PCDHA13: variants seen among roughly 807,000 people sequenced by gnomAD.
PCDHA13 encodes the protein protocadherin alpha 13, also known as protocadherin alpha-13.
In PCDHA13, 54 loss-of-function variants were observed where a neutral mutation model predicts 64.8. The ratio of observed to expected loss-of-function variants is 0.83; its 90% confidence interval spans 0.67 to 1.04. The LOEUF (loss-of-function observed/expected upper bound fraction) is 1.04. Ranked by LOEUF, PCDHA13 falls within the 50% of genes least tolerant of loss-of-function variation. PCDHA13 has a pLI of 0.00. For missense variants in PCDHA13, 1,248 were observed against 1,254.3 expected (o/e 0.99, Z 0.08); for synonymous variants, 587 against 564.4 (o/e 1.04, Z -0.57).
chr5:141,003,574 A>T (rs559561339), intron 3 of PCDHA13, among the ~76,000 whole-genome samples: 1 of 151,680 alleles, frequency 6.6e-6, no homozygotes, highest in African/African-American at 2.4e-5. Context: ...CAGACTCCCA[A>T]AGTGCTGGGA....
In PCDHA13 at chr5:140,991,828, C is replaced by T. The variant is rs1554252431; in HGVS notation, c.2542+9265C>T. Among the ~76,000 whole-genome samples, 6 of 152,168 alleles carry T rather than the reference C, an allele frequency of 3.9e-5. No homozygotes were observed. The South Asian group carries it at 6.2e-4, about 16-fold the overall frequency. The stretch of plus-strand genomic sequence containing the variant: ...CTTCCGCATTTTTAGGCATTTATAA[C>T]GGCAGAACCGCACTTCCAGATACCA... On this transcript the variant is annotated intron_variant, in intron 3 of 3. Transcript: ENST00000289272.
intron 3 of PCDHA13, among the ~76,000 whole-genome samples, chr5:141,000,510 C>G (rs1197965439): frequency 5.6e-5 from 8 of 143,864 alleles, no homozygotes; most frequent in South Asian, 4.5e-4. Context: ...TCACTGCAAC[C>G]TCCTTCTCCA....
chr5:140,993,128 T>A (rs1250312762), intron 3 of PCDHA13, among the ~76,000 whole-genome samples: 2 of 152,234 alleles, frequency 1.3e-5, no homozygotes, highest in Non-Finnish European at 2.9e-5. Flanking sequence ...AATTTCCTTC[T>A]GTTGCAACAA....
At chr5:140,927,795 G>A (rs781829757) in intron 1 of PCDHA13, 39 of 1,614,144 alleles carry the variant, frequency 2.4e-5, no homozygotes, top group Non-Finnish European at 3.2e-5. Context: ...CACTAGGTCC[G>A]CCTGAAACGC....
chr5:140,987,263 G>C (rs1034230893), intron 3 of PCDHA13, among the ~76,000 whole-genome samples: 14 of 151,908 alleles, frequency 9.2e-5, no homozygotes, highest in Non-Finnish European at 1.8e-4. Context: ...CTCAGGAATG[G>C]GACCCGGCAG....
chr5:140,945,909 TC>T (rs1440194990), intron 1 of PCDHA13, among the ~76,000 whole-genome samples: 3 of 151,962 alleles, frequency 2.0e-5, no homozygotes, highest in African/African-American at 7.2e-5. Context: ...AGATGAAAGA[TC>T]AATAACACTG....
intron 3 of PCDHA13, among the ~76,000 whole-genome samples, chr5:141,009,288 C>G (rs373954362): frequency 6.6e-6 from 1 of 152,068 alleles, no homozygotes; most frequent in African/African-American, 2.4e-5. Flanking sequence ...GATCCCATTT[C>G]TATAAAATTT....
chr5:140,891,225 T>C (rs1554184733), intron 1 of PCDHA13, among the ~76,000 whole-genome samples: 1 of 152,222 alleles, frequency 6.6e-6, no homozygotes, highest in Non-Finnish European at 1.5e-5. Context: ...TTTATAATCA[T>C]CCTGTTCTGG....
intron 1 of PCDHA13, chr5:140,967,642 C>T (rs1554229731): frequency 1.2e-6 from 2 of 1,614,164 alleles, no homozygotes. Flanking sequence ...ATGGTGAGCT[C>T]AGGTACTCCT....
At chr5:140,975,795 CT>C (rs1219508800) in intron 1 of PCDHA13, among the ~76,000 whole-genome samples, 2 of 151,168 alleles carry the variant, frequency 1.3e-5, no homozygotes, top group Non-Finnish European at 1.5e-5. Flanking sequence ...TAAATTAAAT[CT>C]TTTTTATAAT....
At chr5:140,954,520 A>G (rs1554221455) in intron 1 of PCDHA13, among the ~76,000 whole-genome samples, 1 of 152,192 alleles carries the variant, frequency 6.6e-6, no homozygotes, top group Admixed American at 6.6e-5. Context: ...CCTAATGATC[A>G]GTGATGTTGA....
chr5:140,914,783 A>G (rs1445627539), intron 1 of PCDHA13, among the ~76,000 whole-genome samples: 1 of 151,972 alleles, frequency 6.6e-6, no homozygotes, highest in Admixed American at 6.6e-5. Context: ...TTATCTTATG[A>G]CCCATTATTT....
chr5:140,905,248 C>A (rs143714633), intron 1 of PCDHA13, among the ~76,000 whole-genome samples: 43 of 152,208 alleles, frequency 2.8e-4, no homozygotes, highest in African/African-American at 8.7e-4. Context: ...TTCATTCTTC[C>A]ACATGAGGCT....
intron 1 of PCDHA13, chr5:140,927,454 G>A: frequency 6.2e-7 from 1 of 1,614,182 alleles, no homozygotes; most frequent in Non-Finnish European, 8.5e-7. Flanking sequence ...GTTGGTGTTG[G>A]AGAAAGCACT....
intron 1 of PCDHA13, among the ~76,000 whole-genome samples, chr5:140,911,424 T>C (rs1180624921): frequency 6.6e-6 from 1 of 152,168 alleles, no homozygotes; most frequent in Non-Finnish European, 1.5e-5. Context: ...TAAGAACTTG[T>C]GTCCAATTTC....
At chr5:140,964,199 A>C (rs1183847716) in intron 1 of PCDHA13, among the ~76,000 whole-genome samples, 1 of 152,240 alleles carries the variant, frequency 6.6e-6, no homozygotes, top group Admixed American at 6.5e-5. Context: ...AGAGTATACC[A>C]TCTCTTTAGT....
intron 3 of PCDHA13, among the ~76,000 whole-genome samples, chr5:140,985,145 G>A (rs2097138679): frequency 6.6e-6 from 1 of 152,080 alleles, no homozygotes; most frequent in South Asian, 2.1e-4. Context: ...CACCGTGTTA[G>A]CCAGGATTGT....
chr5:140,949,040 A>G (rs1419524123), intron 1 of PCDHA13, among the ~76,000 whole-genome samples: 1 of 151,758 alleles, frequency 6.6e-6, no homozygotes, highest in Non-Finnish European at 1.5e-5. Flanking sequence ...ATTTAAAAGT[A>G]TGTTCTAATT....
At chr5:140,905,766 A>G (rs782122019) in intron 1 of PCDHA13, among the ~76,000 whole-genome samples, 15 of 152,144 alleles carry the variant, frequency 9.9e-5, no homozygotes, top group African/African-American at 2.7e-4. Flanking sequence ...GGTTAAGTAT[A>G]TTCCGAAGTG....
Sources: gnomAD v4.1 joint callset for allele counts (sites outside exome capture counted in the v4.1 genomes callset) on GRCh38, gnomAD v4.1.1 for gene constraint, MANE v1.5 for transcripts, NCBI Gene and HGNC (gene_info 2026-07-23, HGNC 2026-07-21) for gene names.